Variants in SMAP2 observed in about 807,000 individuals in gnomAD.
SMAP2 encodes small ArfGAP2.
SMAP2 carries 25 observed loss-of-function variants against 56.4 expected under a neutral mutation model. That is an observed-to-expected ratio of 0.44 (90% CI 0.32 to 0.62). The LOEUF is 0.62. Ranked by LOEUF, SMAP2 falls within the 20% of genes least tolerant of loss-of-function variation. The pLI is 0.04. For synonymous variants in SMAP2, 157 were observed against 181.7 expected, an observed-to-expected ratio of 0.86 and a Z score of 1.09; for missense variants, 388 against 545.6, an observed-to-expected ratio of 0.71 and a Z score of 2.88.
In SMAP2 at chr1:40,422,271, A is replaced by T; in HGVS notation, c.*170A>T. 1.2e-6 allele frequency: 1 copy of T among 844,290 alleles called. No individual in the cohort carries two copies. Among genetic ancestry groups the T allele is most frequent in the Non-Finnish European group, 1.8e-6 (1 of 552,590 alleles). 52.3% of individuals were successfully genotyped at this position (844,290 alleles called of 1,614,324 possible). A position where few individuals can be genotyped will look rare whatever the true frequency, so the allele number is the denominator to read the frequency against. On this transcript the variant is annotated 3_prime_UTR_variant, in exon 10 of 10. Transcript: ENST00000372718. ...GCCCAGCCACTTCCCAAACATGAAG[A>T]CCTCTCTGTTGCTTTATGTTGTACA...
chr1:40,345,873 G>GTATTGTATTATATTA (rs1481569104), intron 1 of SMAP2, among the ~76,000 whole-genome samples: 1 of 102,302 alleles, frequency 9.8e-6, no homozygotes, highest in African/African-American at 4.7e-5. Flanking sequence ...ATATTATATT[G>GTATTGTATTATATTA]TATTATATTG....
intron 1 of SMAP2, among the ~76,000 whole-genome samples, chr1:40,394,311 GT>G (rs1383294991): frequency 6.6e-6 from 1 of 152,130 alleles, no homozygotes; most frequent in Non-Finnish European, 1.5e-5. Context: ...TGTCTTGAAG[GT>G]TAGCCATCAT....
At chr1:40,416,018 G>A (rs992277027) in intron 7 of SMAP2, among the ~76,000 whole-genome samples, 158 bp from the exon 8 acceptor site, 1 of 152,176 alleles carries the variant, frequency 6.6e-6, no homozygotes, top group Non-Finnish European at 1.5e-5. Flanking sequence ...ATTATCAGGT[G>A]TGTTCAGATA....
At chr1:40,378,110 A>G (rs1644559123) in intron 1 of SMAP2, among the ~76,000 whole-genome samples, 1 of 152,174 alleles carries the variant, frequency 6.6e-6, no homozygotes, top group African/African-American at 2.4e-5. Context: ...TTCATTTTTT[A>G]CTGAATATTT....
intron 1 of SMAP2, among the ~76,000 whole-genome samples, chr1:40,359,734 T>A (rs984997365): frequency 6.6e-6 from 1 of 152,178 alleles, no homozygotes; most frequent in African/African-American, 2.4e-5. Flanking sequence ...TCATCTCTTA[T>A]AACCCATTAT....
upstream of SMAP2, among the ~76,000 whole-genome samples, chr1:40,370,776 C>T (rs1368187213): frequency 3.8e-4 from 52 of 136,596 alleles, no homozygotes; most frequent in African/African-American, 1.2e-3. Context: ...TTAGTGGGTG[C>T]AGCGCACCAG....
chr1:40,402,167 G>C (rs571312876), intron 1 of SMAP2, among the ~76,000 whole-genome samples: 1 of 152,060 alleles, frequency 6.6e-6, no homozygotes, highest in South Asian at 2.1e-4. Flanking sequence ...TGATTGCCAT[G>C]ACCAATGTGT....
At chr1:40,390,508 C>T (rs2124271489) in intron 1 of SMAP2, among the ~76,000 whole-genome samples, 1 of 152,304 alleles carries the variant, frequency 6.6e-6, no homozygotes, top group South Asian at 2.1e-4. Context: ...CAGTCTTGAG[C>T]TCTAGTAGGT....
rs1431025140 is a variant in SMAP2, at chr1:40,422,252, C to A, written c.*151C>A. ...ATTTGGGGTTTGGCATCCTGCCCAGCCACTTCCCAAACATGAAGACCTCTC... is the reference window on the plus strand; with the variant it reads ...ATTTGGGGTTTGGCATCCTGCCCAGACACTTCCCAAACATGAAGACCTCTC... On this transcript the variant is annotated 3_prime_UTR_variant, in exon 10 of 10. Transcript: ENST00000372718. 9.5e-7 allele frequency: 1 copy of A among 1,050,424 alleles called. No individual in the cohort carries two copies. Among genetic ancestry groups the A allele is most frequent in the Non-Finnish European group, 1.4e-6 (1 of 734,378 alleles). The allele number at this position is 1,050,424 out of a possible 1,614,324, so 65.1% of individuals were successfully genotyped here.
At position 40,417,107 on chromosome 1, in the gene SMAP2, C is replaced by G. The variant is rs748970422; in HGVS notation, c.1164+11C>G. On this transcript the variant is annotated intron_variant, in intron 9 of 9. Coordinates refer to ENST00000372718, the MANE Select transcript of SMAP2 (RefSeq NM_022733.3). Reference sequence around the variant, plus strand: ...TGGAACCTTACTCAGGTAAGCTACCCCATTTTACTTGCAGCAAGAGTTTTG... The same window carrying G: ...TGGAACCTTACTCAGGTAAGCTACCGCATTTTACTTGCAGCAAGAGTTTTG... The G allele has an allele frequency of 1.3e-6, 2 of 1,583,842 alleles. No homozygotes were observed. Among genetic ancestry groups the G allele is most frequent in the East Asian group, 4.5e-5 (2 of 44,138 alleles).
intron 1 of SMAP2, among the ~76,000 whole-genome samples, chr1:40,352,523 A>T (rs1644413249): frequency 6.6e-6 from 1 of 151,930 alleles, no homozygotes; most frequent in South Asian, 2.1e-4. Context: ...AAATATTTTA[A>T]TTTAAAAAGT....
rs751307457 is a variant in SMAP2, at chr1:40,374,620, TGTGTGA to T, written c.103+399_103+404del. 3.1e-4 allele frequency: 417 copies of T among 1,340,800 alleles called. No individual in the cohort carries two copies. Among genetic ancestry groups the T allele is most frequent in the Middle Eastern group, 3.7e-4 (2 of 5,400 alleles). 83.1% of individuals were successfully genotyped at this position (1,340,800 alleles called of 1,614,324 possible). A position where few individuals can be genotyped will look rare whatever the true frequency, so the allele number is the denominator to read the frequency against. ...GCGTGTGTGTGTGTGTGTGTGTGTG[TGTGTGA>T]GAGAGAGAGAGAGAGAATGACGAGG... On this transcript the variant is annotated intron_variant, in intron 1 of 9. Coordinates refer to ENST00000372718, the MANE Select transcript of SMAP2 (RefSeq NM_022733.3). The surrounding 1 kb of genome is among the most constrained non-coding windows in gnomAD (Gnocchi z 5.9).
At position 40,386,853 on chromosome 1, in the gene SMAP2, C is replaced by CTTT. The variant is rs57984975; in HGVS notation, c.103+12646_103+12648dup. On this transcript the variant is annotated intron_variant, in intron 1 of 9. Coordinates refer to ENST00000372718, the MANE Select transcript of SMAP2 (RefSeq NM_022733.3). This position sits in a 1 kb window ranked among gnomAD's most constrained non-coding sequence, Gnocchi z 4.1. Reference sequence around the variant, plus strand: ...GATGCTGAAGGTATTTTTCATAATTCTTTTTTTTTTTTTTTTTTGGAGACA... The same window carrying CTTT: ...GATGCTGAAGGTATTTTTCATAATTCTTTTTTTTTTTTTTTTTTTTTGGAGACA... Among the ~76,000 whole-genome samples the CTTT allele has an allele frequency of 3.5e-4, 44 of 127,352 alleles. No individual in the cohort carries two copies. The highest frequency in any genetic ancestry group is 3.8e-3 in the Middle Eastern group (1 of 266). 83.5% of individuals were successfully genotyped at this position (127,352 alleles called of 152,430 possible). A position where few individuals can be genotyped will look rare whatever the true frequency, so the allele number is the denominator to read the frequency against.
intron 4 of SMAP2, among the ~76,000 whole-genome samples, chr1:40,410,315 T>G (rs1644922658): frequency 6.6e-6 from 1 of 151,944 alleles, no homozygotes; most frequent in African/African-American, 2.4e-5. Flanking sequence ...GAAACAAACT[T>G]CTGCCTATCG....
intron 1 of SMAP2, among the ~76,000 whole-genome samples, chr1:40,388,234 T>TGG (rs1465082261): frequency 6.6e-6 from 1 of 152,198 alleles, no homozygotes; most frequent in African/African-American, 2.4e-5. Context: ...CTGAGGTGTG[T>TGG]GGGCGCACAG....
chr1:40,379,731 C>T (rs1464961849), intron 1 of SMAP2, among the ~76,000 whole-genome samples: 1 of 151,974 alleles, frequency 6.6e-6, no homozygotes, highest in South Asian at 2.1e-4. Flanking sequence ...AAGGTTTCAC[C>T]ATGTTGTCCA....
chr1:40,420,732 A>G (rs564721151), intron 9 of SMAP2, among the ~76,000 whole-genome samples: 54 of 152,350 alleles, frequency 3.5e-4, no homozygotes, highest in Non-Finnish European at 4.9e-4. Flanking sequence ...AATCTTGCCA[A>G]AAATATTGAA....
At chr1:40,348,458 G>A (rs1211054510) in intron 1 of SMAP2, among the ~76,000 whole-genome samples, 1 of 152,090 alleles carries the variant, frequency 6.6e-6, no homozygotes, top group East Asian at 1.9e-4. Flanking sequence ...ACTTTGGGAG[G>A]CCGAGGTGGG....
At chr1:40,421,571 C>T (rs1209629396) in intron 9 of SMAP2, among the ~76,000 whole-genome samples, 5 of 152,170 alleles carry the variant, frequency 3.3e-5, no homozygotes, top group African/African-American at 1.2e-4. Flanking sequence ...ACAGTAATAG[C>T]TGTGCTGAAG....
Sources: allele counts gnomAD v4.1 joint callset (sites outside exome capture counted in the v4.1 genomes callset), GRCh38; gene constraint gnomAD v4.1.1; non-coding constraint Gnocchi (gnomAD v3.1); transcripts MANE v1.5; gene names NCBI Gene and HGNC (gene_info 2026-07-23, HGNC 2026-07-21).